DSCAM: variants seen among roughly 807,000 people sequenced by gnomAD.
The protein encoded by DSCAM is cell adhesion molecule DSCAM.
DSCAM carries 47 observed loss-of-function variants against 217.7 expected under a neutral mutation model. The ratio of observed to expected loss-of-function variants is 0.22; its 90% CI spans 0.17 to 0.28. The LOEUF (loss-of-function observed/expected upper bound fraction) is 0.28, where lower values mean the gene tolerates loss of function less well. DSCAM is among the 10% of genes least tolerant of loss of function. The pLI is 1.00. For synonymous variants in DSCAM, 1,056 were observed against 1,015.3 expected (o/e 1.04, Z -0.76); for missense variants, 2,080 against 2,618.3 (o/e 0.79, Z 4.49).
chr21:40,446,761 C>A (rs2075678400), intron 3 of DSCAM, among the ~76,000 whole-genome samples: 1 of 152,174 alleles, frequency 6.6e-6, no homozygotes, highest in African/African-American at 2.4e-5. Flanking sequence ...CTGTTTTCAA[C>A]TTAAAGTAGA....
intron 32 of DSCAM, among the ~76,000 whole-genome samples, chr21:40,025,575 C>G (rs2146432875): frequency 6.6e-6 from 1 of 150,566 alleles, no homozygotes; most frequent in Admixed American, 6.6e-5. Context: ...TTCAGAGATT[C>G]AACTTCTTCC....
Position 40,376,589 on chromosome 21 carries a change from TATATCGATATCTATATATCTTATATAG to T in DSCAM, c.509-7371_509-7345del, listed in dbSNP as rs1569093033. ...ATCTTATATCGATATCTATATATCT[TATATCGATATCTATATATCTTATATAG>T]ATATCGATATCTATATATCTTATAT... is the stretch of plus-strand genomic sequence containing the variant. On this transcript the variant is annotated intron_variant, in intron 3 of 32. Coordinates refer to ENST00000400454, the MANE Select transcript of DSCAM (RefSeq NM_001389.5). Among the ~76,000 whole-genome samples, 56 of 14,030 alleles carry T rather than the reference TATATCGATATCTATATATCTTATATAG, an allele frequency of 4.0e-3. 2 individuals are homozygous for T. Among genetic ancestry groups the T allele is most frequent in the Admixed American group, 0.01 (13 of 1,272 alleles). 9.2% of individuals were successfully genotyped at this position (14,030 alleles called of 152,430 possible). A position where few individuals can be genotyped will look rare whatever the true frequency, so the allele number is the denominator to read the frequency against.
At position 40,035,823 on chromosome 21, in the gene DSCAM, C is replaced by A. The variant is rs1445656352; in HGVS notation, c.5686+6548G>T. Among the ~76,000 whole-genome samples the A allele has an allele frequency of 4.1e-5, 6 of 144,788 alleles. No individual in the cohort carries two copies. In the East Asian group the frequency reaches 1.2e-3, roughly 29 times the overall value. 95.0% of individuals were successfully genotyped at this position (144,788 alleles called of 152,430 possible). A position where few individuals can be genotyped will look rare whatever the true frequency, so the allele number is the denominator to read the frequency against. On this transcript the variant is annotated intron_variant, in intron 32 of 32. Coordinates refer to ENST00000400454, the MANE Select transcript of DSCAM (RefSeq NM_001389.5). ...AAATTATAACAAACTATCTCTCAGA[C>A]CACAGTGCAATCAAACTAGAACTCA... is the stretch of plus-strand genomic sequence containing the variant.
At chr21:40,496,947 C>A (rs1040392450) in intron 3 of DSCAM, among the ~76,000 whole-genome samples, 5 of 152,060 alleles carry the variant, frequency 3.3e-5, no homozygotes, top group Non-Finnish European at 5.9e-5. Context: ...TGAGATGTCA[C>A]CTCACACTTA....
chr21:40,035,694 C>A (rs2088606962), intron 32 of DSCAM, among the ~76,000 whole-genome samples: 1 of 151,000 alleles, frequency 6.6e-6, no homozygotes, highest in African/African-American at 2.5e-5. Context: ...CTCTCCACCC[C>A]AAATCAACAG....
intron 3 of DSCAM, among the ~76,000 whole-genome samples, chr21:40,610,057 A>C (rs1387283952): frequency 6.6e-6 from 1 of 152,230 alleles, no homozygotes; most frequent in Non-Finnish European, 1.5e-5. Context: ...TGACAACCAA[A>C]CACCTTTAAA....
intron 3 of DSCAM, among the ~76,000 whole-genome samples, chr21:40,480,923 A>C (rs2075976731): frequency 6.6e-6 from 1 of 152,210 alleles, no homozygotes; most frequent in Admixed American, 6.5e-5. Context: ...CTGATTTGGG[A>C]AAGAATTAAC....
At chr21:40,792,548 C>T (rs776216886) in intron 1 of DSCAM, among the ~76,000 whole-genome samples, 6 of 152,156 alleles carry the variant, frequency 3.9e-5, no homozygotes, top group Non-Finnish European at 8.8e-5. Flanking sequence ...TTTACAGCTT[C>T]AGCATATGAA....
At chr21:40,669,449 A>G (rs2090243471) in intron 3 of DSCAM, among the ~76,000 whole-genome samples, 1 of 152,238 alleles carries the variant, frequency 6.6e-6, no homozygotes, top group Non-Finnish European at 1.5e-5. Flanking sequence ...TTACTATTCT[A>G]GAAATTAACA....
chr21:40,055,690 C>T (rs773867869), intron 29 of DSCAM, 35 bp downstream of exon 29: 1 of 1,540,650 alleles, frequency 6.5e-7, no homozygotes, highest in Non-Finnish European at 9.0e-7. Flanking sequence ...GCTGTGGCAG[C>T]CACTTTGTGT....
At chr21:40,694,344 G>A (rs2146453198) in intron 2 of DSCAM, among the ~76,000 whole-genome samples, 1 of 152,132 alleles carries the variant, frequency 6.6e-6, no homozygotes, top group East Asian at 1.9e-4. Flanking sequence ...ATCACTTACT[G>A]GACAAATATG....
At chr21:40,279,437 G>C (rs1189758400) in intron 10 of DSCAM, among the ~76,000 whole-genome samples, 3 of 152,216 alleles carry the variant, frequency 2.0e-5, no homozygotes, top group African/African-American at 7.2e-5. Flanking sequence ...ACCATCTCAT[G>C]CCAGTCACAA....
intron 1 of DSCAM, among the ~76,000 whole-genome samples, chr21:40,785,504 C>CA (rs749626074): frequency 6.6e-6 from 1 of 152,106 alleles, no homozygotes; most frequent in Admixed American, 6.5e-5. Flanking sequence ...AGACTTTTAA[C>CA]AAAAAATAGA....
At chr21:40,616,593 G>A (rs1451304460) in intron 3 of DSCAM, among the ~76,000 whole-genome samples, 2 of 152,102 alleles carry the variant, frequency 1.3e-5, no homozygotes, top group Non-Finnish European at 2.9e-5. Context: ...GCCACTGCTG[G>A]GTCTCCTCTA....
intron 32 of DSCAM, among the ~76,000 whole-genome samples, chr21:40,017,923 T>C (rs755839144): frequency 1.1e-4 from 16 of 152,242 alleles, no homozygotes; most frequent in Non-Finnish European, 2.2e-4. Flanking sequence ...ACTTGATGCA[T>C]CTGAACTTTG....
chr21:40,347,553 G>C, intron 6 of DSCAM, 117 bp downstream of exon 6: 1 of 1,377,324 alleles, frequency 7.3e-7, no homozygotes, highest in Non-Finnish European at 1.0e-6. Context: ...GTACTAGCTG[G>C]TGAGACAGAG....
At chr21:40,094,679 G>A (rs1003570273) in intron 20 of DSCAM, among the ~76,000 whole-genome samples, 6 of 152,182 alleles carry the variant, frequency 3.9e-5, no homozygotes, top group African/African-American at 1.4e-4. Context: ...ATTGGGTATA[G>A]TGCATAAGGG....
At chr21:40,788,339 T>C (rs2091611097) in intron 1 of DSCAM, among the ~76,000 whole-genome samples, 1 of 152,204 alleles carries the variant, frequency 6.6e-6, no homozygotes, top group South Asian at 2.1e-4. Flanking sequence ...CTATCCTTAC[T>C]TGTTTTGTTT....
intron 3 of DSCAM, among the ~76,000 whole-genome samples, chr21:40,535,509 A>T (rs557956712): frequency 6.6e-6 from 1 of 152,348 alleles, no homozygotes; most frequent in African/African-American, 2.4e-5. Context: ...TTAAAAAATA[A>T]ATTATCAGCA....
Sources: allele counts gnomAD v4.1 joint callset (sites outside exome capture counted in the v4.1 genomes callset), GRCh38; gene constraint gnomAD v4.1.1; transcripts MANE v1.5; gene names NCBI Gene and HGNC (gene_info 2026-07-23, HGNC 2026-07-21).